The following TSHZ2 variants were observed in gnomAD, a reference collection of about 807,000 sequenced individuals.
The protein encoded by TSHZ2 is teashirt zinc finger homeobox 2, also known as teashirt homolog 2.
In TSHZ2, 21 loss-of-function variants were observed where a neutral mutation model predicts 74.4. That is an observed-to-expected ratio of 0.28 (90% CI 0.20 to 0.41). TSHZ2 has a LOEUF of 0.41. Among genes scored for constraint, TSHZ2 ranks in the 10% least tolerant of loss-of-function variants. The pLI, the probability that TSHZ2 is intolerant of heterozygous loss-of-function variation, is 1.00. For synonymous variants in TSHZ2, 540 were observed against 515.3 expected (o/e 1.05, Z -0.65); for missense variants, 1,244 against 1,293.5 (o/e 0.96, Z 0.59).
intron 1 of TSHZ2, among the ~76,000 whole-genome samples, chr20:53,180,408 A>AC (rs1988441408): frequency 1.3e-5 from 2 of 152,132 alleles, no homozygotes; most frequent in East Asian, 1.9e-4. Context: ...AGTAGAAGAA[A>AC]CCCCCAAGAA....
chr20:53,455,835 T>C (rs1600654754), intron 2 of TSHZ2, among the ~76,000 whole-genome samples: 1 of 151,540 alleles, frequency 6.6e-6, no homozygotes, highest in African/African-American at 2.4e-5. Context: ...CTTGCGATAG[T>C]TTACTGAGAA....
At chr20:53,209,858 A>C (rs1178419143) in intron 1 of TSHZ2, among the ~76,000 whole-genome samples, 1 of 152,086 alleles carries the variant, frequency 6.6e-6, no homozygotes, top group East Asian at 1.9e-4. Flanking sequence ...GTTGCACAGC[A>C]GGCTCTCACC....
intron 2 of TSHZ2, among the ~76,000 whole-genome samples, chr20:53,277,175 G>A (rs2033124623): frequency 6.6e-6 from 1 of 152,194 alleles, no homozygotes; most frequent in African/African-American, 2.4e-5. Flanking sequence ...CGGCTATCAA[G>A]GGAAGAGGTC....
chr20:53,224,849 C>CAAAAAAA (rs1157712413), intron 1 of TSHZ2, among the ~76,000 whole-genome samples: 2 of 112,922 alleles, frequency 1.8e-5, no homozygotes, highest in Non-Finnish European at 3.8e-5. Context: ...GACTCCATCT[C>CAAAAAAA]AAAAAAAAAA....
intron 1 of TSHZ2, among the ~76,000 whole-genome samples, chr20:53,218,636 C>A (rs1358493362): frequency 2.0e-5 from 3 of 152,178 alleles, no homozygotes; most frequent in Non-Finnish European, 4.4e-5. Flanking sequence ...ATACCTACCT[C>A]TTTCTATTGT....
chr20:53,257,699 C>T (rs1002982488), intron 2 of TSHZ2, among the ~76,000 whole-genome samples: 19 of 152,358 alleles, frequency 1.2e-4, no homozygotes, highest in Admixed American at 5.9e-4. Flanking sequence ...GGTCCTCCAC[C>T]TTCGGCCATT....
intron 1 of TSHZ2, among the ~76,000 whole-genome samples, chr20:53,192,896 C>T (rs1025352700): frequency 1.3e-5 from 2 of 152,142 alleles, no homozygotes; most frequent in African/African-American, 4.8e-5. Context: ...ATACAAGATT[C>T]CTCAGGTTGA....
At chr20:53,323,127 C>G (rs1053376326) in intron 2 of TSHZ2, among the ~76,000 whole-genome samples, 1 of 152,172 alleles carries the variant, frequency 6.6e-6, no homozygotes, top group African/African-American at 2.4e-5. Flanking sequence ...GCATGTTGGC[C>G]TGGGAGAAGA....
intron 2 of TSHZ2, among the ~76,000 whole-genome samples, chr20:53,444,659 CTT>C (rs1041963730): frequency 6.6e-6 from 1 of 152,180 alleles, no homozygotes; most frequent in African/African-American, 2.4e-5. Context: ...CCCGCTGAGT[CTT>C]TTCTCCGTGG....
intron 2 of TSHZ2, among the ~76,000 whole-genome samples, chr20:53,407,803 C>A (rs1385746546): frequency 6.6e-6 from 1 of 152,196 alleles, no homozygotes; most frequent in Admixed American, 6.5e-5. Context: ...TTATACAGCA[C>A]AAAAGCAGTG....
chr20:52,987,403 G>C (rs190902813), intron 1 of TSHZ2, among the ~76,000 whole-genome samples: 3 of 152,070 alleles, frequency 2.0e-5, no homozygotes, highest in Admixed American at 1.3e-4. Context: ...CAGGATAACA[G>C]GAAAAAGTAC....
At chr20:53,129,374 C>A (rs1195903399) in intron 1 of TSHZ2, among the ~76,000 whole-genome samples, 1 of 151,914 alleles carries the variant, frequency 6.6e-6, no homozygotes, top group Non-Finnish European at 1.5e-5. Flanking sequence ...TTTTAAAAAT[C>A]GGGCAATGGA....
intron 1 of TSHZ2, among the ~76,000 whole-genome samples, chr20:53,029,514 A>G (rs190613421): frequency 3.9e-5 from 6 of 152,268 alleles, no homozygotes; most frequent in African/African-American, 1.4e-4. Flanking sequence ...CGTCTCAACT[A>G]AAAATACAAC....
rs1986414890 is a variant in TSHZ2 at position 53,490,364 on chromosome 20, A to C, written c.*3229A>C. 6.6e-6 allele frequency: 1 copy of C among 152,206 alleles called. No individual in the cohort carries two copies. Among genetic ancestry groups the C allele is most frequent in the Non-Finnish European group, 1.5e-5 (1 of 68,028 alleles). 9.4% of individuals were successfully genotyped at this position (152,206 alleles called of 1,614,324 possible). ...ACTGTCCTAGGCACTGTGGGATAAC[A>C]ACAGCAAACACTTCACACAACAGCC... On this transcript the variant is annotated 3_prime_UTR_variant, in exon 3 of 3. Coordinates refer to ENST00000371497, the MANE Select transcript of TSHZ2 (RefSeq NM_173485.6).
chr20:53,056,970 C>T (rs758553652), intron 1 of TSHZ2, among the ~76,000 whole-genome samples: 18 of 152,248 alleles, frequency 1.2e-4, no homozygotes, highest in Non-Finnish European at 2.1e-4. Flanking sequence ...ATAATTCCCG[C>T]GTGTCGTGGG....
intron 1 of TSHZ2, among the ~76,000 whole-genome samples, chr20:53,166,999 G>A (rs1988078336): frequency 6.6e-6 from 1 of 152,202 alleles, no homozygotes. Context: ...TCAGAGGAAG[G>A]TGACATATAG....
At chr20:53,025,185 AT>A (rs577189833) in intron 1 of TSHZ2, among the ~76,000 whole-genome samples, 17 of 151,574 alleles carry the variant, frequency 1.1e-4, no homozygotes, top group Non-Finnish European at 2.1e-4. Context: ...CATAAATATT[AT>A]TTATATGTAA....
intron 1 of TSHZ2, among the ~76,000 whole-genome samples, chr20:53,190,139 TTTC>T (rs1988703923): frequency 6.1e-5 from 3 of 49,384 alleles, no homozygotes; most frequent in East Asian, 7.9e-4. Context: ...ATATATATAT[TTTC>T]TTAAATGCCT....
intron 1 of TSHZ2, among the ~76,000 whole-genome samples, chr20:53,144,761 A>T (rs1987498152): frequency 6.6e-6 from 1 of 152,046 alleles, no homozygotes; most frequent in Admixed American, 6.6e-5. Context: ...TCGTACTATG[A>T]GGTTATATGG....
Sources: allele counts gnomAD v4.1 joint callset (sites outside exome capture counted in the v4.1 genomes callset), GRCh38; gene constraint gnomAD v4.1.1; transcripts MANE v1.5; gene names NCBI Gene and HGNC (gene_info 2026-07-23, HGNC 2026-07-21).